The following CNBD1 variants were observed in gnomAD, a reference collection of about 807,000 sequenced individuals.
The protein encoded by CNBD1 is cyclic nucleotide-binding domain-containing protein 1.
A neutral mutation model predicts 54.4 loss-of-function variants in CNBD1; 71 were observed. The observed-to-expected ratio is 1.30, with a 90% confidence interval of 1.08 to 1.59. The LOEUF (loss-of-function observed/expected upper bound fraction) is 1.59, where lower values mean the gene tolerates loss of function less well. Ranked by LOEUF, CNBD1 falls within the 40% of genes most tolerant of loss-of-function variation. CNBD1 has a pLI of 0.00. For missense variants in CNBD1, 659 were observed against 518.0 expected, an observed-to-expected ratio of 1.27 and a Z score of -2.64; for synonymous variants, 182 against 170.7, an observed-to-expected ratio of 1.07 and a Z score of -0.51.
chr8:87,022,320 G>GT (rs1287224440), intron 4 of CNBD1, among the ~76,000 whole-genome samples: 4 of 152,290 alleles, frequency 2.6e-5, no homozygotes, highest in East Asian at 3.9e-4. Flanking sequence ...GTGCCACTGG[G>GT]TTTTTTGTGG....
chr8:87,122,989 G>C (rs1811920029), intron 4 of CNBD1, among the ~76,000 whole-genome samples: 1 of 151,746 alleles, frequency 6.6e-6, no homozygotes, highest in African/African-American at 2.4e-5. Flanking sequence ...GATGCTTCCA[G>C]CTTTGTTCTT....
intron 4 of CNBD1, among the ~76,000 whole-genome samples, chr8:87,160,309 T>TA (rs1384330194): frequency 6.6e-6 from 1 of 152,128 alleles, no homozygotes; most frequent in Admixed American, 6.6e-5. Flanking sequence ...TATAGATTAT[T>TA]AAAAAATAAT....
intron 2 of CNBD1, among the ~76,000 whole-genome samples, chr8:87,401,820 T>G (rs901275396): frequency 1.3e-5 from 2 of 151,984 alleles, no homozygotes; most frequent in Admixed American, 6.6e-5. Context: ...TTTTCCACAT[T>G]AAGGAACACC....
intron 4 of CNBD1, among the ~76,000 whole-genome samples, chr8:87,169,286 T>G (rs1038241199): frequency 1.3e-5 from 2 of 152,096 alleles, no homozygotes; most frequent in African/African-American, 4.8e-5. Context: ...AGGTTTTTAC[T>G]TACAGAATTG....
intron 1 of CNBD1, among the ~76,000 whole-genome samples, chr8:86,867,463 T>A (rs1039112245): frequency 9.2e-5 from 14 of 152,178 alleles, no homozygotes; most frequent in African/African-American, 3.1e-4. Flanking sequence ...AAATACATTT[T>A]AAAAAATTAA....
intron 6 of CNBD1, among the ~76,000 whole-genome samples, chr8:87,253,887 A>G (rs1165524811): frequency 1.3e-5 from 2 of 152,216 alleles, no homozygotes; most frequent in African/African-American, 4.8e-5. Flanking sequence ...GGGAATTGGA[A>G]TTTAGTTACA....
intron 8 of CNBD1, among the ~76,000 whole-genome samples, chr8:87,344,228 A>G (rs954952662): frequency 2.0e-5 from 3 of 152,072 alleles, no homozygotes; most frequent in African/African-American, 7.2e-5. Flanking sequence ...CAATAGGAAG[A>G]AAATATGGGT....
rs1809410719 is a variant in CNBD1, at chr8:87,018,323, CAT to C, written c.431+78571_431+78572del. Among the ~76,000 whole-genome samples, 5 of 152,244 alleles carry C rather than the reference CAT, an allele frequency of 3.3e-5. No homozygotes were observed. In the South Asian group the frequency reaches 1.0e-3, roughly 32 times the overall value. ...CATTTTATACAAATAATCAGGCAAA[CAT>C]AATAAGCCTAAAACTTACCTTGCAC... On this transcript the variant is annotated intron_variant, in intron 4 of 10. Transcript: ENST00000518476.
At chr8:87,114,235 T>C (rs1586265809) in intron 4 of CNBD1, among the ~76,000 whole-genome samples, 1 of 152,204 alleles carries the variant, frequency 6.6e-6, no homozygotes, top group African/African-American at 2.4e-5. Context: ...ATTGGCACAA[T>C]TGGCCCAGCA....
Position 86,901,414 on chromosome 8 carries a change from T to C in CNBD1, c.159-3667T>C, listed in dbSNP as rs1054019354. 6.6e-5 allele frequency among the ~76,000 whole-genome samples: 10 copies of C among 152,304 alleles called. No homozygotes were observed. The South Asian group carries it at 1.2e-3, about 19-fold the overall frequency. ...GTTAACTTAAAATAAAAAATGTGAA[T>C]TGCCTCGGGCAAACACATAAATATA... On this transcript the variant is annotated intron_variant, in intron 2 of 10. Coordinates refer to ENST00000518476, the MANE Select transcript of CNBD1 (RefSeq NM_173538.3).
intron 3 of CNBD1, among the ~76,000 whole-genome samples, chr8:86,916,734 C>A (rs1353290151): frequency 6.6e-6 from 1 of 151,770 alleles, no homozygotes; most frequent in Non-Finnish European, 1.5e-5. Context: ...AATAGAATCT[C>A]ACTCTGTCAC....
intron 1 of CNBD1, among the ~76,000 whole-genome samples, chr8:86,868,640 T>A (rs1489141738): frequency 6.6e-6 from 1 of 152,178 alleles, no homozygotes. Context: ...GCTGTCTGTA[T>A]TTATATGTGA....
intron 4 of CNBD1, among the ~76,000 whole-genome samples, chr8:86,991,676 A>G (rs1435089150): frequency 6.6e-6 from 1 of 150,878 alleles, no homozygotes; most frequent in African/African-American, 2.4e-5. Context: ...TTCTCTTAAC[A>G]TTACTTGAGC....
intron 2 of CNBD1, among the ~76,000 whole-genome samples, chr8:87,408,899 T>C (rs1025454048): frequency 1.6e-4 from 24 of 152,104 alleles, no homozygotes; most frequent in African/African-American, 5.8e-4. Context: ...ATGTATGTGT[T>C]TTGACTCCCT....
At chr8:87,222,466 G>A (rs1426062859) in intron 5 of CNBD1, among the ~76,000 whole-genome samples, 1 of 152,114 alleles carries the variant, frequency 6.6e-6, no homozygotes, top group Admixed American at 6.6e-5. Context: ...AGATCCCAGA[G>A]GAGGCCTGTT....
intron 10 of CNBD1, among the ~76,000 whole-genome samples, chr8:87,377,623 G>A (rs1039098611): frequency 2.7e-5 from 4 of 150,812 alleles, no homozygotes; most frequent in South Asian, 2.1e-4. Flanking sequence ...ACGTGTGCAT[G>A]TGTCTTTATA....
At chr8:87,162,398 A>G (rs1349428095) in intron 4 of CNBD1, among the ~76,000 whole-genome samples, 1 of 152,118 alleles carries the variant, frequency 6.6e-6, no homozygotes, top group Non-Finnish European at 1.5e-5. Flanking sequence ...CATTTTAAAT[A>G]TTTGAAAATG....
intron 8 of CNBD1, among the ~76,000 whole-genome samples, chr8:87,327,658 G>A (rs10110122): frequency 0.012 from 1,892 of 152,218 alleles, 47 homozygotes; most frequent in African/African-American, 0.043. Flanking sequence ...GCCCTGCTTC[G>A]GCTCGTGCCC....
At chr8:87,074,516 C>A (rs1185131316) in intron 4 of CNBD1, among the ~76,000 whole-genome samples, 1 of 152,168 alleles carries the variant, frequency 6.6e-6, no homozygotes, top group Non-Finnish European at 1.5e-5. Flanking sequence ...AGCAACTGCT[C>A]TGCTGAGACT....
Sources: gnomAD v4.1 joint callset for allele counts (sites outside exome capture counted in the v4.1 genomes callset) on GRCh38, gnomAD v4.1.1 for gene constraint, MANE v1.5 for transcripts, NCBI Gene and HGNC (gene_info 2026-07-23, HGNC 2026-07-21) for gene names.